Variants in SHLD1 observed in about 807,000 individuals in gnomAD.
The protein encoded by SHLD1 is shieldin complex subunit 1.
Under a neutral mutation model 5.5 loss-of-function variants are expected in SHLD1, and 3 were observed. That is an observed-to-expected ratio of 0.54 (90% CI 0.25 to 1.40). The LOEUF (loss-of-function observed/expected upper bound fraction) is 1.40. Ranked by LOEUF, SHLD1 falls within the 40% of genes most tolerant of loss-of-function variation. The pLI is 0.15. For missense variants in SHLD1, 210 were observed against 244.4 expected, an observed-to-expected ratio of 0.86 and a Z score of 0.94; for synonymous variants, 92 against 94.3, an observed-to-expected ratio of 0.98 and a Z score of 0.14.
At chr20:5,862,679 T>A (rs2088178734) in intron 2 of SHLD1, among the ~76,000 whole-genome samples, 1 of 152,194 alleles carries the variant, frequency 6.6e-6, no homozygotes. Flanking sequence ...CTGCCTACAT[T>A]CATCATGGGA....
chr20:5,854,026 A>G lies in SHLD1; in HGVS notation c.179-8998A>G, dbSNP rs529938797. Among the ~76,000 whole-genome samples the G allele has an allele frequency of 3.1e-3, 452 of 147,952 alleles. 1 individual carries two copies. The highest frequency in any genetic ancestry group is 0.01 in the African/African-American group (409 of 40,074). On this transcript the variant is annotated intron_variant, in intron 2 of 2. Coordinates refer to ENST00000303142, the MANE Select transcript of SHLD1 (RefSeq NM_152504.4). Reference sequence around the variant, plus strand: ...AGCTAATTTTTTTTTTTTTTTTTAGACAGAGTTTTGCTCTTGTTGCCCAGG... The same window carrying G: ...AGCTAATTTTTTTTTTTTTTTTTAGGCAGAGTTTTGCTCTTGTTGCCCAGG...
chr20:5,804,692 A>G (rs2087348849), intron 2 of SHLD1, among the ~76,000 whole-genome samples: 2 of 152,238 alleles, frequency 1.3e-5, no homozygotes, highest in African/African-American at 4.8e-5. Context: ...CAGGACTGGC[A>G]TGGAAAGTTA....
chr20:5,796,406 T>TA (rs1408496829), intron 2 of SHLD1, among the ~76,000 whole-genome samples: 1 of 139,310 alleles, frequency 7.2e-6, no homozygotes, highest in African/African-American at 2.6e-5. Context: ...GTTGCCCCTC[T>TA]AGAGTTTTTT....
At chr20:5,796,300 C>G (rs183749984) in intron 2 of SHLD1, among the ~76,000 whole-genome samples, 1 of 151,842 alleles carries the variant, frequency 6.6e-6, no homozygotes, top group African/African-American at 2.4e-5. Flanking sequence ...TTTAATTGAA[C>G]TATTGGTCAT....
chr20:5,774,268 C>T (rs937340504), intron 2 of SHLD1, among the ~76,000 whole-genome samples: 1 of 152,082 alleles, frequency 6.6e-6, no homozygotes, highest in Admixed American at 6.6e-5. Flanking sequence ...TTAGAAAGAA[C>T]TCATTGTGGG....
chr20:5,803,888 T>TTA (rs1299149255), intron 2 of SHLD1, among the ~76,000 whole-genome samples: 3 of 128,026 alleles, frequency 2.3e-5, no homozygotes, highest in African/African-American at 8.9e-5. Flanking sequence ...TAAAAAAGAT[T>TTA]AAAAAAAAAA....
intron 2 of SHLD1, among the ~76,000 whole-genome samples, chr20:5,844,239 A>G (rs868218530): frequency 1.8e-4 from 27 of 152,154 alleles, no homozygotes; most frequent in African/African-American, 6.3e-4. Flanking sequence ...TGAACTCTAG[A>G]TCTTCTCTGC....
chr20:5,804,076 C>T (rs6053720), intron 2 of SHLD1, among the ~76,000 whole-genome samples: 23 of 151,552 alleles, frequency 1.5e-4, no homozygotes, highest in African/African-American at 5.1e-4. Context: ...TTTGAGATGC[C>T]GAGGCGGGCA....
At chr20:5,810,140 G>A (rs934565523) in intron 2 of SHLD1, among the ~76,000 whole-genome samples, 1 of 151,816 alleles carries the variant, frequency 6.6e-6, no homozygotes, top group African/African-American at 2.4e-5. Flanking sequence ...GCCTGTAATC[G>A]CAGCTACTTG....
At chr20:5,777,868 T>G (rs1487350149) in intron 2 of SHLD1, among the ~76,000 whole-genome samples, 1 of 152,142 alleles carries the variant, frequency 6.6e-6, no homozygotes, top group Non-Finnish European at 1.5e-5. Context: ...AACAAACACT[T>G]TGGAGAGGTG....
intron 1 of SHLD1, among the ~76,000 whole-genome samples, chr20:5,764,006 A>G (rs1165998160): frequency 2.7e-5 from 4 of 147,430 alleles, no homozygotes; most frequent in South Asian, 2.1e-4. Flanking sequence ...ATGCACCTGT[A>G]ATCCCAGCTA....
At chr20:5,768,330 G>A (rs1172094728) in intron 1 of SHLD1, among the ~76,000 whole-genome samples, 1 of 152,190 alleles carries the variant, frequency 6.6e-6, no homozygotes, top group Non-Finnish European at 1.5e-5. Context: ...GCTTGTCCGA[G>A]CTGGTTCTTC....
At chr20:5,835,813 G>A (rs976546015) in intron 2 of SHLD1, among the ~76,000 whole-genome samples, 34 of 152,294 alleles carry the variant, frequency 2.2e-4, no homozygotes, top group African/African-American at 8.2e-4. Flanking sequence ...CTGCAAAATT[G>A]TGTTATACAG....
rs1161418504 is a variant in SHLD1 at position 5,844,261 on chromosome 20, A to AT, written c.179-18757dup. Among the ~76,000 whole-genome samples the AT allele has an allele frequency of 5.9e-5, 9 of 152,228 alleles. No individual in the cohort carries two copies. The East Asian group carries it at 1.7e-3, about 29-fold the overall frequency. ...TAGATCTTCTCTGCCTATTTTCACA[A>AT]TTTTTTGTTTTATTTTTAATGCTGC... On this transcript the variant is annotated intron_variant, in intron 2 of 2. Transcript: ENST00000303142.
intron 2 of SHLD1, among the ~76,000 whole-genome samples, chr20:5,837,305 C>T (rs2087801447): frequency 6.6e-6 from 1 of 152,100 alleles, no homozygotes; most frequent in Non-Finnish European, 1.5e-5. Flanking sequence ...TTTTTTTCTT[C>T]CGCTTTTATT....
At chr20:5,834,162 C>G (rs562962098) in intron 2 of SHLD1, among the ~76,000 whole-genome samples, 9 of 152,284 alleles carry the variant, frequency 5.9e-5, no homozygotes, top group African/African-American at 2.2e-4. Flanking sequence ...CTGTCTGAGC[C>G]TTCTCCTGGA....
intron 2 of SHLD1, among the ~76,000 whole-genome samples, chr20:5,856,955 T>G (rs1028576475): frequency 5.9e-5 from 9 of 152,122 alleles, no homozygotes; most frequent in African/African-American, 2.2e-4. Flanking sequence ...ATTAAAGGTT[T>G]TGTTTGTTTG....
At chr20:5,819,588 G>A (rs1338966898) in intron 2 of SHLD1, among the ~76,000 whole-genome samples, 3 of 152,218 alleles carry the variant, frequency 2.0e-5, no homozygotes, top group African/African-American at 7.2e-5. Flanking sequence ...TTGGGAGGCT[G>A]AGACAGGAGG....
intron 2 of SHLD1, among the ~76,000 whole-genome samples, chr20:5,790,746 G>A (rs1407200085): frequency 1.3e-5 from 2 of 151,670 alleles, no homozygotes; most frequent in Admixed American, 6.6e-5. Flanking sequence ...GAGCCACCAC[G>A]CCTGGCCAAA....
Sources: gnomAD v4.1 joint callset for allele counts (sites outside exome capture counted in the v4.1 genomes callset) on GRCh38, gnomAD v4.1.1 for gene constraint, MANE v1.5 for transcripts, NCBI Gene and HGNC (gene_info 2026-07-23, HGNC 2026-07-21) for gene names.